ADGRV1: variants seen among roughly 807,000 people sequenced by gnomAD.
ADGRV1 encodes the protein adhesion G protein-coupled receptor V1, also known as G-protein coupled receptor 98.
In ADGRV1, 359 loss-of-function variants were observed where a neutral mutation model predicts 596.2. The ratio of observed to expected loss-of-function variants is 0.60; its 90% confidence interval spans 0.55 to 0.66. ADGRV1 has a LOEUF of 0.66. ADGRV1 is among the 30% of genes least tolerant of loss of function. The pLI is 0.00. For missense variants in ADGRV1, 7,274 were observed against 7,575.6 expected, an observed-to-expected ratio of 0.96 and a Z score of 1.48; for synonymous variants, 2,681 against 2,679.2, an observed-to-expected ratio of 1.00 and a Z score of -0.02.
chr5:90,643,006 A>G lies in ADGRV1; in HGVS notation c.2518A>G (p.Ile840Val). Residue 840 changes from isoleucine (I) to valine (V), a missense_variant, in exon 13 of 90, where the codon ATC (isoleucine) becomes GTC (valine). By Grantham distance (29) the Ile-to-Val change is conservative. Around this residue, in one of 5 missense-constraint regions of ADGRV1, gnomAD observed 1,715 missense variants for 1,708.8 expected, o/e 1.00. Coordinates refer to ENST00000405460, the MANE Select transcript of ADGRV1 (RefSeq NM_032119.4). The stretch of plus-strand genomic sequence containing the variant: ...TAAACCTGGAGAAAGGGAGATAGTG[A>G]TCACCTTGCTAGCAAGATTGGATGG... ...EFKPGEREIV[I>V]TLLARLDGIP... The G allele has an allele frequency of 6.2e-7, 1 of 1,613,514 alleles. No homozygotes were observed. The highest frequency in any genetic ancestry group is 2.2e-5 in the East Asian group (1 of 44,862).
chr5:90,767,834 A>G (rs1449226022), intron 59 of ADGRV1, among the ~76,000 whole-genome samples: 4 of 152,226 alleles, frequency 2.6e-5, no homozygotes, highest in African/African-American at 4.8e-5. Flanking sequence ...ATGTTCTGCC[A>G]TCATTCTTGA....
In ADGRV1 at chr5:90,755,015, C is replaced by T. The variant is rs767570081; in HGVS notation, c.11410C>T (p.Arg3804Ter). The change falls in exon 55 of 90, where the codon CGA (arginine) becomes TGA (stop). Residue 3804 changes from arginine (R) to a stop codon, truncating the protein, a stop_gained. Transcript: ENST00000405460. LOFTEE classifies it high-confidence loss of function. ...CACCACTCTTCAGTTACAAATAGCT[C>T]GAGATAAAGGACTACTTGGGGATAT... ...NTTTLQLQIA[R>*]DKGLLGDIAI... The T allele has an allele frequency of 4.3e-6, 7 of 1,612,820 alleles. No homozygotes were observed. The highest frequency in any genetic ancestry group is 2.2e-5 in the South Asian group (2 of 91,032).
intron 70 of ADGRV1, among the ~76,000 whole-genome samples, chr5:90,795,381 A>G (rs1351736274): frequency 6.6e-6 from 1 of 152,184 alleles, no homozygotes; most frequent in East Asian, 1.9e-4. Context: ...AAACAAAGCC[A>G]ACAGAAAGTT....
At chr5:90,577,757 G>T (rs544150898) in intron 1 of ADGRV1, among the ~76,000 whole-genome samples, 57 of 152,206 alleles carry the variant, frequency 3.7e-4, no homozygotes, top group East Asian at 1.9e-3. Flanking sequence ...GAGCATGGAA[G>T]GTTCTTCCAT....
intron 73 of ADGRV1, 80 bp downstream of exon 73, chr5:90,807,817 A>C (rs1364485709): frequency 7.9e-7 from 1 of 1,265,086 alleles, no homozygotes; most frequent in East Asian, 2.4e-5. Context: ...AAAAAGGCAC[A>C]AGGGTTATTC....
Position 90,674,148 on chromosome 5 carries a change from T to C in ADGRV1, c.5024T>C (p.Leu1675Pro), listed in dbSNP as rs754794109. The stretch of plus-strand genomic sequence containing the variant: ...TCTGCAATTCCTGGAGATGGGAAGC[T>C]AGGCTCAACTCCTACCAGTGGTGCA... ...LVSAIPGDGKLGSTPTSGASI... is the reference protein window; with the variant it reads ...LVSAIPGDGKPGSTPTSGASI... Residue 1675 changes from leucine (L) to proline (P), a missense_variant, in exon 23 of 90, where the codon CTA becomes CCA. By Grantham distance (98) the Leu-to-Pro change is moderately conservative. This residue lies in a region of ADGRV1 where 3,643 missense variants were observed against 3,809.2 expected (regional missense o/e 0.96). Transcript: ENST00000405460. 1.9e-6 allele frequency: 3 copies of C among 1,613,392 alleles called. No homozygotes were observed. Among genetic ancestry groups the C allele is most frequent in the Non-Finnish European group, 2.5e-6 (3 of 1,179,472 alleles).
In ADGRV1 at chr5:90,805,530, G is replaced by A. The variant is rs945004314; in HGVS notation, c.14836+72G>A. On this transcript the variant is annotated intron_variant, in intron 72 of 89. Transcript: ENST00000405460. ...ATATCACTGGCCACTAATTGTCTTG[G>A]GTTATCCTTATTCTGGACACTAAAT... The A allele has an allele frequency of 7.8e-6, 10 of 1,275,402 alleles. No homozygotes were observed. The African/African-American group carries it at 1.3e-4, about 17-fold the overall frequency. The allele number at this position is 1,275,402 out of a possible 1,614,324, so 79.0% of individuals were successfully genotyped here.
At chr5:91,149,891 C>G in intron 87 of ADGRV1, 139 bp from the exon 88 acceptor site, 3 of 487,234 alleles carry the variant, frequency 6.2e-6, no homozygotes, top group Non-Finnish European at 1.0e-5. Flanking sequence ...ATTACCCAGT[C>G]TTGGGTATTT....
intron 85 of ADGRV1, among the ~76,000 whole-genome samples, chr5:91,037,305 G>A (rs778748065): frequency 7.9e-5 from 12 of 152,108 alleles, no homozygotes; most frequent in Non-Finnish European, 1.6e-4. Flanking sequence ...GTCTGCTGTA[G>A]AGGAAAGCAA....
chr5:90,677,014 T>G (rs2149556643), intron 25 of ADGRV1, among the ~76,000 whole-genome samples: 1 of 152,302 alleles, frequency 6.6e-6, no homozygotes, highest in South Asian at 2.1e-4. Context: ...GTTTATCAGG[T>G]GCTACTGGGA....
intron 87 of ADGRV1, among the ~76,000 whole-genome samples, chr5:91,111,126 C>T (rs1792327648): frequency 6.6e-6 from 1 of 152,162 alleles, no homozygotes. Context: ...ACAGTTTCTT[C>T]CACCTGTTTT....
chr5:90,582,360 A>G (rs149988153), intron 1 of ADGRV1, among the ~76,000 whole-genome samples: 413 of 152,284 alleles, frequency 2.7e-3, no homozygotes, highest in African/African-American at 9.0e-3. Context: ...ATTGTTTTAT[A>G]AATCTGGGTG....
intron 77 of ADGRV1, among the ~76,000 whole-genome samples, chr5:90,832,492 C>A (rs1456946872): frequency 1.3e-5 from 2 of 152,096 alleles, no homozygotes; most frequent in Non-Finnish European, 2.9e-5. Context: ...CTTATATATT[C>A]TAGTTATTAA....
chr5:91,073,606 G>T (rs560207207), intron 86 of ADGRV1, among the ~76,000 whole-genome samples: 3 of 152,158 alleles, frequency 2.0e-5, no homozygotes, highest in African/African-American at 7.2e-5. Flanking sequence ...ACACTCGTTT[G>T]TATTACTTTG....
intron 85 of ADGRV1, among the ~76,000 whole-genome samples, chr5:91,063,646 A>T (rs1275064428): frequency 6.6e-6 from 1 of 152,134 alleles, no homozygotes; most frequent in Non-Finnish European, 1.5e-5. Flanking sequence ...TTTAGAAATA[A>T]CTCCAAGAAC....
At chr5:90,690,747 C>T (rs761772981) in intron 30 of ADGRV1, 50 bp from the exon 31 acceptor site, 1 of 1,549,232 alleles carries the variant, frequency 6.5e-7, no homozygotes, top group Non-Finnish European at 8.8e-7. Context: ...TAACTGTTAT[C>T]TCTGTTTCAC....
rs373568560 is a variant in ADGRV1 at position 90,674,142 on chromosome 5, G to C, written c.5018G>C (p.Gly1673Ala). Residue 1673 changes from glycine to alanine, a missense_variant, in exon 23 of 90, where the codon GGG (glycine) becomes GCG (alanine). By Grantham distance (60) the Gly-to-Ala change is moderately conservative. Around this residue, in one of 5 missense-constraint regions of ADGRV1, gnomAD observed 3,643 missense variants for 3,809.2 expected, o/e 0.96. Transcript: ENST00000405460. Reference sequence around the variant, plus strand: ...TTGGTTTCTGCAATTCCTGGAGATGGGAAGCTAGGCTCAACTCCTACCAGT... The same window carrying C: ...TTGGTTTCTGCAATTCCTGGAGATGCGAAGCTAGGCTCAACTCCTACCAGT... Reference protein sequence around the residue: ...VTLVSAIPGDGKLGSTPTSGA... With the variant: ...VTLVSAIPGDAKLGSTPTSGA... 8.7e-6 allele frequency: 14 copies of C among 1,613,014 alleles called. No homozygotes were observed. Among genetic ancestry groups the C allele is most frequent in the African/African-American group, 1.3e-5 (1 of 74,884 alleles).
intron 4 of ADGRV1, among the ~76,000 whole-genome samples, chr5:90,622,186 GA>G (rs2152064581): frequency 6.6e-6 from 1 of 152,316 alleles, no homozygotes; most frequent in South Asian, 2.1e-4. Flanking sequence ...CTGATGTGGA[GA>G]AAGAGTGGTT....
intron 83 of ADGRV1, among the ~76,000 whole-genome samples, chr5:90,884,594 ACT>A (rs1042109993): frequency 6.6e-6 from 1 of 151,714 alleles, no homozygotes; most frequent in African/African-American, 2.4e-5. Flanking sequence ...TTGCCTGATC[ACT>A]CTAACTATTC....
Sources: gnomAD v4.1 joint callset for allele counts (sites outside exome capture counted in the v4.1 genomes callset) on GRCh38, gnomAD v4.1.1 for gene constraint, gnomAD v4.1.1 regional missense constraint, MANE v1.5 for transcripts, NCBI Gene and HGNC (gene_info 2026-07-23, HGNC 2026-07-21) for gene names.